The following TECRL variants were observed in gnomAD, a reference collection of about 807,000 sequenced individuals.
The protein encoded by TECRL is trans-2,3-enoyl-CoA reductase like, also known as trans-2,3-enoyl-CoA reductase-like.
A neutral mutation model predicts 52.8 loss-of-function variants in TECRL; 63 were observed. The ratio of observed to expected loss-of-function variants is 1.19; its 90% CI spans 0.97 to 1.47. TECRL has a LOEUF of 1.47. TECRL is among the 40% of genes most tolerant of loss of function. TECRL has a pLI of 0.00. For synonymous variants in TECRL, 164 were observed against 141.9 expected (o/e 1.16, Z -1.10); for missense variants, 482 against 429.6 (o/e 1.12, Z -1.08).
At chr4:64,390,074 T>C (rs1204991962) in intron 1 of TECRL, among the ~76,000 whole-genome samples, 1 of 151,892 alleles carries the variant, frequency 6.6e-6, no homozygotes, top group East Asian at 1.9e-4. Context: ...CTTACTGTTT[T>C]AGTTTTGTCC....
intron 2 of TECRL, among the ~76,000 whole-genome samples, chr4:64,340,466 G>A (rs962356868): frequency 2.2e-4 from 34 of 152,186 alleles, no homozygotes; most frequent in African/African-American, 8.2e-4. Context: ...GAGCAAAGTT[G>A]GGACCAAGCC....
chr4:64,286,569 G>A (rs1483121256), intron 9 of TECRL, among the ~76,000 whole-genome samples: 3 of 151,006 alleles, frequency 2.0e-5, no homozygotes, highest in Admixed American at 6.6e-5. Flanking sequence ...TACTAGAAGA[G>A]TACCTAGTGA....
At chr4:64,305,127 C>G (rs1224326539) in intron 7 of TECRL, 39 bp downstream of exon 7, 9 of 1,474,460 alleles carry the variant, frequency 6.1e-6, no homozygotes, top group Non-Finnish European at 8.3e-6. Flanking sequence ...TTAGGTTGGT[C>G]CTTTAGTATA....
Position 64,307,002 on chromosome 4 carries a change from G to T in TECRL, c.658-1764C>A, listed in dbSNP as rs140243132. The stretch of plus-strand genomic sequence containing the variant: ...CTCTATAGGTCCTATGTCTGGGGGA[G>T]CCCTAATTCCCTGGTTACTAGCACA... On this transcript the variant is annotated intron_variant, in intron 6 of 11. Transcript: ENST00000381210. Among the ~76,000 whole-genome samples the T allele has an allele frequency of 3.1e-3, 466 of 152,244 alleles. 1 individual carries two copies. Among genetic ancestry groups the T allele is most frequent in the Non-Finnish European group, 5.8e-3 (393 of 68,014 alleles).
intron 4 of TECRL, among the ~76,000 whole-genome samples, chr4:64,316,794 C>T (rs1316019205): frequency 6.6e-6 from 1 of 152,086 alleles, no homozygotes; most frequent in African/African-American, 2.4e-5. Context: ...TGAAGACAAA[C>T]ACTATATTGA....
Position 64,379,392 on chromosome 4 carries a change from T to C in TECRL, c.235-4169A>G, listed in dbSNP as rs138428096. 3.2e-3 allele frequency among the ~76,000 whole-genome samples: 489 copies of C among 152,262 alleles called. 2 individuals are homozygous for C. The highest frequency in any genetic ancestry group is 0.011 in the African/African-American group (469 of 41,566). ...ATACATATTTACGGGGTGCATGTGC[T>C]ATATTGATATGTACATGAAATGTGA... On this transcript the variant is annotated intron_variant, in intron 1 of 11. Transcript: ENST00000381210.
At chr4:64,338,734 T>C (rs1336124103) in intron 2 of TECRL, among the ~76,000 whole-genome samples, 1 of 152,134 alleles carries the variant, frequency 6.6e-6, no homozygotes, top group Non-Finnish European at 1.5e-5. Flanking sequence ...CACAATGAAA[T>C]ATCATCTCAC....
chr4:64,381,014 T>C (rs1268866557), intron 1 of TECRL, among the ~76,000 whole-genome samples: 1 of 152,096 alleles, frequency 6.6e-6, no homozygotes, highest in African/African-American at 2.4e-5. Context: ...ACAATATTAA[T>C]TCTTCTAATC....
At chr4:64,371,922 G>A (rs1021035463) in intron 2 of TECRL, among the ~76,000 whole-genome samples, 1 of 151,734 alleles carries the variant, frequency 6.6e-6, no homozygotes, top group African/African-American at 2.4e-5. Flanking sequence ...ATTGGGTGAC[G>A]ATAGAAATAG....
In TECRL at chr4:64,399,508, T is replaced by C. The variant is rs371051346; in HGVS notation, c.234+9610A>G. ...TAGCCAAGACAATGAGAAAAAGGCC[T>C]GGAAGGCATCTCAAATATCTAAGAG... is the stretch of plus-strand genomic sequence containing the variant. On this transcript the variant is annotated intron_variant, in intron 1 of 11. Transcript: ENST00000381210. 2.8e-4 allele frequency among the ~76,000 whole-genome samples: 43 copies of C among 152,212 alleles called. No individual in the cohort carries two copies. The South Asian group carries it at 8.9e-3, about 32-fold the overall frequency.
At chr4:64,306,319 C>T (rs1034391202) in intron 6 of TECRL, among the ~76,000 whole-genome samples, 2 of 151,938 alleles carry the variant, frequency 1.3e-5, no homozygotes, top group African/African-American at 2.4e-5. Context: ...GAGCTCTAGC[C>T]GTTGTGTGGG....
At chr4:64,310,739 G>T (rs1560488432) in intron 5 of TECRL, among the ~76,000 whole-genome samples, 1 of 152,052 alleles carries the variant, frequency 6.6e-6, no homozygotes, top group African/African-American at 2.4e-5. Flanking sequence ...CGTTGTTTTT[G>T]TTTTTAGAGA....
At chr4:64,317,012 C>T (rs1717542029) in intron 4 of TECRL, among the ~76,000 whole-genome samples, 1 of 152,198 alleles carries the variant, frequency 6.6e-6, no homozygotes. Context: ...GGCGCTGTGG[C>T]TCTCGCCTGT....
At chr4:64,296,664 T>C (rs963158712) in intron 8 of TECRL, among the ~76,000 whole-genome samples, 4 of 151,672 alleles carry the variant, frequency 2.6e-5, no homozygotes, top group Admixed American at 6.6e-5. Flanking sequence ...AAGTTAAGGG[T>C]ACAAAAAGAT....
intron 5 of TECRL, among the ~76,000 whole-genome samples, chr4:64,311,433 A>T (rs1308182549): frequency 6.6e-6 from 1 of 152,170 alleles, no homozygotes; most frequent in Non-Finnish European, 1.5e-5. Flanking sequence ...GTGAGCACAC[A>T]GGGTAGTTAA....
intron 2 of TECRL, among the ~76,000 whole-genome samples, chr4:64,374,676 C>A (rs2109677335): frequency 6.6e-6 from 1 of 152,042 alleles, no homozygotes; most frequent in South Asian, 2.1e-4. Flanking sequence ...GTTTTTTGTC[C>A]TTGCAATAGT....
intron 1 of TECRL, among the ~76,000 whole-genome samples, chr4:64,385,513 T>G (rs924960786): frequency 1.3e-5 from 2 of 152,120 alleles, no homozygotes; most frequent in Non-Finnish European, 2.9e-5. Context: ...CACAGGATAC[T>G]GCATAGGCTG....
At chr4:64,396,505 G>GT (rs1390251306) in intron 1 of TECRL, among the ~76,000 whole-genome samples, 2 of 151,666 alleles carry the variant, frequency 1.3e-5, no homozygotes, top group Non-Finnish European at 2.9e-5. Context: ...GTGGTTGTTT[G>GT]TTTTTTTGCA....
chr4:64,387,148 A>C (rs1269540206), intron 1 of TECRL, among the ~76,000 whole-genome samples: 1 of 152,180 alleles, frequency 6.6e-6, no homozygotes, highest in Non-Finnish European at 1.5e-5. Context: ...CCAGAAAGTC[A>C]TATGGTTGAA....
Sources: allele counts gnomAD v4.1 joint callset (sites outside exome capture counted in the v4.1 genomes callset), GRCh38; gene constraint gnomAD v4.1.1; transcripts MANE v1.5; gene names NCBI Gene and HGNC (gene_info 2026-07-23, HGNC 2026-07-21).